CACNB4: variants seen among roughly 807,000 people sequenced by gnomAD.
CACNB4 encodes voltage-dependent L-type calcium channel subunit beta-4.
A neutral mutation model predicts 71.2 loss-of-function variants in CACNB4; 32 were observed. The ratio of observed to expected loss-of-function variants is 0.45; its 90% CI spans 0.34 to 0.60. The LOEUF is 0.60. Ranked by LOEUF, CACNB4 falls within the 20% of genes least tolerant of loss-of-function variation. The pLI, the probability that CACNB4 is intolerant of heterozygous loss-of-function variation, is 0.01. For missense variants in CACNB4, 464 were observed against 647.9 expected, an observed-to-expected ratio of 0.72 and a Z score of 3.08; for synonymous variants, 231 against 236.9, an observed-to-expected ratio of 0.97 and a Z score of 0.23.
chr2:151,990,728 C>A (rs1481458936), intron 2 of CACNB4, among the ~76,000 whole-genome samples: 2 of 152,316 alleles, frequency 1.3e-5, no homozygotes, highest in Admixed American at 6.5e-5. Context: ...CCAGAAGTCA[C>A]AATTTCAACT....
At chr2:151,927,203 G>A (rs1008207153) in intron 2 of CACNB4, among the ~76,000 whole-genome samples, 8 of 152,176 alleles carry the variant, frequency 5.3e-5, no homozygotes, top group Non-Finnish European at 8.8e-5. Context: ...TAACATGGGA[G>A]AAATAAGAGA....
intron 2 of CACNB4, among the ~76,000 whole-genome samples, chr2:152,033,905 C>T (rs1684418686): frequency 2.0e-5 from 3 of 152,192 alleles, no homozygotes; most frequent in African/African-American, 7.2e-5. Context: ...AGACATTTCC[C>T]TTCCTTATTA....
intron 2 of CACNB4, among the ~76,000 whole-genome samples, chr2:152,078,691 T>C (rs2105407400): frequency 6.6e-6 from 1 of 152,188 alleles, no homozygotes; most frequent in South Asian, 2.1e-4. Flanking sequence ...ACCTAGAAAA[T>C]GGTAATGACT....
At chr2:152,087,296 G>T (rs986073098) in intron 2 of CACNB4, among the ~76,000 whole-genome samples, 2 of 148,368 alleles carry the variant, frequency 1.3e-5, no homozygotes, top group African/African-American at 5.0e-5. Context: ...GCCAGGCATG[G>T]TGGCACGTAC....
chr2:151,883,648 T>C (rs1456989045), intron 2 of CACNB4: 5 of 436,208 alleles, frequency 1.1e-5, no homozygotes. Flanking sequence ...ATTCTTCTTG[T>C]TTTGTGCTAT....
At chr2:151,922,471 G>T (rs1025176912) in intron 2 of CACNB4, among the ~76,000 whole-genome samples, 2 of 152,156 alleles carry the variant, frequency 1.3e-5, no homozygotes, top group African/African-American at 4.8e-5. Context: ...CCAAAGTGCT[G>T]GGATTAAAAG....
intron 2 of CACNB4, among the ~76,000 whole-genome samples, chr2:151,963,907 A>G (rs2099870295): frequency 6.6e-6 from 1 of 151,948 alleles, no homozygotes; most frequent in African/African-American, 2.4e-5. Context: ...CGTCTCTACT[A>G]AAAATACAAA....
intron 2 of CACNB4, among the ~76,000 whole-genome samples, chr2:152,078,306 G>T (rs1579256984): frequency 6.6e-6 from 1 of 152,152 alleles, no homozygotes; most frequent in Non-Finnish European, 1.5e-5. Context: ...TGGGAGGGCG[G>T]TCCACACAGA....
intron 2 of CACNB4, among the ~76,000 whole-genome samples, chr2:151,998,060 T>C (rs1170531967): frequency 3.9e-5 from 6 of 152,106 alleles, no homozygotes; most frequent in Admixed American, 3.9e-4. Flanking sequence ...TGGTGGCTCA[T>C]GTCTGTAATC....
intron 2 of CACNB4, among the ~76,000 whole-genome samples, chr2:151,964,752 A>G (rs1021374180): frequency 6.6e-6 from 1 of 152,222 alleles, no homozygotes; most frequent in African/African-American, 2.4e-5. Context: ...AGGAATATGC[A>G]TTATGTTTTA....
intron 2 of CACNB4, among the ~76,000 whole-genome samples, chr2:151,899,818 C>T (rs557653398): frequency 6.6e-6 from 1 of 152,220 alleles, no homozygotes; most frequent in Admixed American, 6.5e-5. Context: ...ATGTATGAGG[C>T]CTGTACCTTA....
chr2:152,022,216 C>G (rs894788248), intron 2 of CACNB4, among the ~76,000 whole-genome samples: 1 of 152,168 alleles, frequency 6.6e-6, no homozygotes, highest in Non-Finnish European at 1.5e-5. Flanking sequence ...AAACTGCTAC[C>G]CTTAATTTCA....
chr2:152,054,963 T>C (rs1685648306), intron 2 of CACNB4, among the ~76,000 whole-genome samples: 1 of 152,182 alleles, frequency 6.6e-6, no homozygotes, highest in African/African-American at 2.4e-5. Flanking sequence ...TAGACACAAG[T>C]CCCTTATCAG....
chr2:151,889,650 C>T (rs188144149), intron 2 of CACNB4, among the ~76,000 whole-genome samples: 1 of 152,026 alleles, frequency 6.6e-6, no homozygotes, highest in South Asian at 2.1e-4. Flanking sequence ...CAGATTTCCC[C>T]GGGTAGATGA....
At chr2:151,881,103 C>T (rs2099847704) in intron 3 of CACNB4, among the ~76,000 whole-genome samples, 181 bp from the exon 4 acceptor site, 1 of 152,096 alleles carries the variant, frequency 6.6e-6, no homozygotes, top group South Asian at 2.1e-4. Flanking sequence ...ATGATTGGTC[C>T]TATCAGCCCA....
Position 151,880,838 on chromosome 2 carries a change from T to C in CACNB4, c.352A>G (p.Ile118Val). ...AGAAAGTCTTTAGCATCAAAGGAGA[T>C]AGCTGTGCTTGGAACAGGCACATCC... ...DEDVPVPSTA[I>V]SFDAKDFLHI... Residue 118 changes from isoleucine (I) to valine (V), a missense_variant, in exon 4 of 14, where the codon ATC becomes GTC. By Grantham distance (29) the Ile-to-Val change is conservative. This residue lies in a region of CACNB4 where 299 missense variants were observed against 471.7 expected (regional missense o/e 0.63). Transcript: ENST00000539935. 1.2e-6 allele frequency: 2 copies of C among 1,613,674 alleles called. No homozygotes were observed. The highest frequency in any genetic ancestry group is 1.1e-5 in the South Asian group (1 of 91,008).
intron 2 of CACNB4, chr2:151,966,986 G>A (rs1342632988): frequency 1.3e-5 from 2 of 150,188 alleles, no homozygotes; most frequent in African/African-American, 4.9e-5. Flanking sequence ...TGGCCACAAA[G>A]TAGGAAAGGG....
At chr2:151,851,741 G>T (rs2099839118) in intron 12 of CACNB4, 1 of 152,074 alleles carries the variant, frequency 6.6e-6, no homozygotes, top group Non-Finnish European at 1.5e-5. Flanking sequence ...TAAATCTCTT[G>T]CATTTGTAAT....
intron 2 of CACNB4, among the ~76,000 whole-genome samples, chr2:152,082,750 T>C (rs1687431658): frequency 6.6e-6 from 1 of 152,212 alleles, no homozygotes; most frequent in African/African-American, 2.4e-5. Context: ...TAGTCAGTTA[T>C]TTGAAACTTG....
Sources: allele counts gnomAD v4.1 joint callset (sites outside exome capture counted in the v4.1 genomes callset), GRCh38; gene constraint gnomAD v4.1.1; regional missense constraint gnomAD v4.1.1; transcripts MANE v1.5; gene names NCBI Gene and HGNC (gene_info 2026-07-23, HGNC 2026-07-21).